RAP1B: variants seen among roughly 807,000 people sequenced by gnomAD.
The protein encoded by RAP1B is RAP1B, member of RAS oncogene family, also known as ras-related protein Rap-1b.
Under a neutral mutation model 27.5 loss-of-function variants are expected in RAP1B, and 1 was observed. The ratio of observed to expected loss-of-function variants is 0.04; its 90% CI spans 0.01 to 0.17. The LOEUF (loss-of-function observed/expected upper bound fraction) is 0.17, where lower values mean the gene tolerates loss of function less well. Ranked by LOEUF, RAP1B falls within the 10% of genes least tolerant of loss-of-function variation. RAP1B has a pLI of 1.00. For missense variants in RAP1B, 84 were observed against 214.8 expected, an observed-to-expected ratio of 0.39 and a Z score of 3.81; for synonymous variants, 75 against 73.1, an observed-to-expected ratio of 1.03 and a Z score of -0.13.
chr12:68,617,700 T>TA (rs1187663324), intron 1 of RAP1B, among the ~76,000 whole-genome samples: 1 of 152,204 alleles, frequency 6.6e-6, no homozygotes, highest in Non-Finnish European at 1.5e-5. Flanking sequence ...ATACTGTTGT[T>TA]AGAGTTGTTG....
At chr12:68,612,324 T>C (rs942489781) in intron 1 of RAP1B, among the ~76,000 whole-genome samples, 10 of 152,184 alleles carry the variant, frequency 6.6e-5, no homozygotes, top group Non-Finnish European at 1.2e-4. Context: ...AAGTAACTTA[T>C]AGAAAAGGGA....
intron 1 of RAP1B, among the ~76,000 whole-genome samples, chr12:68,628,605 C>T (rs769887401): frequency 9.2e-5 from 14 of 151,920 alleles, no homozygotes; most frequent in Non-Finnish European, 1.8e-4. Context: ...GAGAAAAGTA[C>T]AAGAATGAGA....
chr12:68,643,120 A>G, intron 1 of RAP1B: 2 of 585,784 alleles, frequency 3.4e-6, no homozygotes, highest in Non-Finnish European at 3.0e-6. Flanking sequence ...TTTTTCTTCC[A>G]AAATCTCTTC....
chr12:68,613,134 C>T (rs1870726419), intron 1 of RAP1B, among the ~76,000 whole-genome samples: 1 of 151,950 alleles, frequency 6.6e-6, no homozygotes, highest in African/African-American at 2.4e-5. Flanking sequence ...CCGAGGAAGG[C>T]GGATCATTTG....
intron 1 of RAP1B, among the ~76,000 whole-genome samples, chr12:68,618,086 C>CTTTTTTTTTTTTTT (rs36224976): frequency 1.6e-5 from 1 of 60,788 alleles, no homozygotes; most frequent in Non-Finnish European, 3.0e-5. Flanking sequence ...TTCTATAAAG[C>CTTTTTTTTTTTTTT]TTTTTTTTTT....
chr12:68,642,583 A>G, intron 1 of RAP1B: 1 of 1,062,706 alleles, frequency 9.4e-7, no homozygotes, highest in Non-Finnish European at 1.5e-6. Context: ...TTTCTGGGAA[A>G]GCTTCGTTCA....
chr12:68,625,157 G>T (rs888344747), intron 1 of RAP1B, among the ~76,000 whole-genome samples: 3 of 152,324 alleles, frequency 2.0e-5, no homozygotes, highest in Non-Finnish European at 4.4e-5. Flanking sequence ...TAGTAATTAT[G>T]CAAGTAAGTA....
intron 1 of RAP1B, chr12:68,626,728 A>G (rs1319520462): frequency 5.7e-6 from 4 of 699,608 alleles, no homozygotes; most frequent in Non-Finnish European, 9.2e-6. Flanking sequence ...GGTCTCGGGT[A>G]AAGGTCTTAA....
intron 7 of RAP1B, 52 bp from the exon 8 acceptor site, chr12:68,659,228 G>A: frequency 2.2e-6 from 1 of 455,646 alleles, no homozygotes; most frequent in Non-Finnish European, 4.4e-6. Context: ...TTGCTTTTGG[G>A]TCTTTACTTT....
At chr12:68,648,910 T>C in intron 2 of RAP1B, 129 bp downstream of exon 2, 1 of 828,526 alleles carries the variant, frequency 1.2e-6, no homozygotes, top group East Asian at 2.8e-5. Flanking sequence ...TATAATATTT[T>C]TCTTGTAATT....
chr12:68,615,771 A>G (rs1240153666), intron 1 of RAP1B, among the ~76,000 whole-genome samples: 2 of 152,120 alleles, frequency 1.3e-5, no homozygotes, highest in Non-Finnish European at 2.9e-5. Context: ...GTAGTTATAC[A>G]TGTGTATATA....
chr12:68,614,834 T>C (rs568665512), intron 1 of RAP1B, among the ~76,000 whole-genome samples: 1 of 152,342 alleles, frequency 6.6e-6, no homozygotes, highest in African/African-American at 2.4e-5. Flanking sequence ...TGCAATGGTA[T>C]TGAAAGGTAC....
At chr12:68,632,892 A>G (rs1385332791) in intron 1 of RAP1B, among the ~76,000 whole-genome samples, 1 of 152,032 alleles carries the variant, frequency 6.6e-6, no homozygotes, top group Non-Finnish European at 1.5e-5. Flanking sequence ...CTGGTCTGGA[A>G]CTCCTGGCCC....
At chr12:68,642,595 G>C (rs1873097960) in intron 1 of RAP1B, 1 of 1,017,596 alleles carries the variant, frequency 9.8e-7, no homozygotes, top group Non-Finnish European at 1.6e-6. Flanking sequence ...CTTCGTTCAA[G>C]TCCTCAGTGG....
At chr12:68,615,034 A>T (rs932071449) in intron 1 of RAP1B, among the ~76,000 whole-genome samples, 1 of 152,226 alleles carries the variant, frequency 6.6e-6, no homozygotes, top group East Asian at 1.9e-4. Flanking sequence ...TTCTATTTTA[A>T]ACAAGAAAAG....
intron 1 of RAP1B, among the ~76,000 whole-genome samples, chr12:68,647,375 A>ACCCCCC (rs1873488204): frequency 1.4e-4 from 1 of 7,366 alleles, no homozygotes; most frequent in Non-Finnish European, 2.4e-4. Flanking sequence ...CCTGCCCCCC[A>ACCCCCC]CTCCACTCCC....
intron 7 of RAP1B, chr12:68,657,478 C>G (rs1874287496): frequency 4.6e-6 from 1 of 216,368 alleles, no homozygotes; most frequent in Admixed American, 5.9e-5. Flanking sequence ...AATATCAGCT[C>G]CCTGCAACCT....
chr12:68,621,309 T>C (rs559270491), intron 1 of RAP1B: 29 of 152,372 alleles, frequency 1.9e-4, no homozygotes, highest in African/African-American at 7.0e-4. Flanking sequence ...ACTGAGATCG[T>C]ATTTTATGTC....
chr12:68,634,809 T>G (rs976584819), intron 1 of RAP1B, among the ~76,000 whole-genome samples: 1 of 152,182 alleles, frequency 6.6e-6, no homozygotes, highest in African/African-American at 2.4e-5. Flanking sequence ...AAGCTAACCT[T>G]ACGTTGCATG....
Sources: allele counts gnomAD v4.1 joint callset (sites outside exome capture counted in the v4.1 genomes callset), GRCh38; gene constraint gnomAD v4.1.1; transcripts MANE v1.5; gene names NCBI Gene and HGNC (gene_info 2026-07-23, HGNC 2026-07-21).